Variants in ZNF83 observed in about 807,000 individuals in gnomAD.
The protein encoded by ZNF83 is zinc finger protein 816B.
For synonymous variants in ZNF83, 209 were observed against 213.0 expected, an observed-to-expected ratio of 0.98 and a Z score of 0.17; for missense variants, 552 against 629.9, an observed-to-expected ratio of 0.88 and a Z score of 1.32.
intron 1 of ZNF83, among the ~76,000 whole-genome samples, chr19:52,677,616 T>C (rs372811075): frequency 9.2e-5 from 14 of 152,222 alleles, no homozygotes; most frequent in East Asian, 7.7e-4. Flanking sequence ...AAAATCCCCC[T>C]TGTAGATTGC....
At chr19:52,647,100 T>A (rs998820528) in intron 3 of ZNF83, among the ~76,000 whole-genome samples, 1 of 152,110 alleles carries the variant, frequency 6.6e-6, no homozygotes, top group African/African-American at 2.4e-5. Context: ...TCCCACATTA[T>A]GTAATAACAG....
At chr19:52,618,323 G>A (rs949866549) in intron 2 of ZNF83, among the ~76,000 whole-genome samples, 5 of 151,342 alleles carry the variant, frequency 3.3e-5, no homozygotes, top group Non-Finnish European at 4.4e-5. Flanking sequence ...GCAGTGGCAC[G>A]ATCTCAGCTC....
intron 3 of ZNF83, chr19:52,654,803 C>T (rs2061485926): frequency 6.5e-6 from 1 of 154,710 alleles, no homozygotes; most frequent in South Asian, 2.0e-4. Context: ...ACAGCAGTGA[C>T]TGCTGTTTAG....
intron 2 of ZNF83, among the ~76,000 whole-genome samples, chr19:52,616,537 TGCA>T: frequency 6.6e-6 from 1 of 152,258 alleles, no homozygotes; most frequent in African/African-American, 2.4e-5. Flanking sequence ...TGGAATACTA[TGCA>T]GCCATAAAAA....
At chr19:52,627,713 A>G (rs573115808) in intron 2 of ZNF83, among the ~76,000 whole-genome samples, 2 of 152,180 alleles carry the variant, frequency 1.3e-5, no homozygotes, top group Non-Finnish European at 2.9e-5. Flanking sequence ...ACTACTCTGT[A>G]CAACAAACCC....
chr19:52,631,348 A>G (rs1331229693), intron 2 of ZNF83, among the ~76,000 whole-genome samples: 3 of 152,120 alleles, frequency 2.0e-5, no homozygotes, highest in South Asian at 4.1e-4. Flanking sequence ...CAAGAGCCAG[A>G]ACGGCACCCT....
intron 1 of ZNF83, among the ~76,000 whole-genome samples, chr19:52,678,472 GAAA>G (rs888889073): frequency 7.0e-6 from 1 of 142,096 alleles, no homozygotes; most frequent in African/African-American, 2.6e-5. Context: ...AAAGAAAAAA[GAAA>G]AAAAAACTGG....
Position 52,687,533 on chromosome 19 carries a change from T to TTA in ZNF83, c.-283+2908_-283+2909dup, listed in dbSNP as rs1439996773. 8.1e-5 allele frequency among the ~76,000 whole-genome samples: 3 copies of TTA among 36,890 alleles called. 1 individual carries two copies. The highest frequency in any genetic ancestry group is 1.8e-4 in the Non-Finnish European group (3 of 16,304). The allele number at this position is 36,890 out of a possible 152,430, so 24.2% of individuals were successfully genotyped here. On this transcript the variant is annotated intron_variant, in intron 1 of 5. Coordinates refer to the ZNF83 transcript ENST00000594682. ...ATTATATATAAATTTTATATATAAA[T>TTA]TATATATATAAATTATATGTGTAAA...
chr19:52,657,932 C>T (rs1477242019), intron 2 of ZNF83, among the ~76,000 whole-genome samples: 4 of 150,684 alleles, frequency 2.7e-5, no homozygotes, highest in Non-Finnish European at 5.9e-5. Flanking sequence ...AGGTTGGTAG[C>T]TCAAGACCAG....
chr19:52,685,231 T>A (rs113082916), intron 1 of ZNF83, among the ~76,000 whole-genome samples: 22 of 152,156 alleles, frequency 1.4e-4, no homozygotes, highest in African/African-American at 5.1e-4. Flanking sequence ...TAGCCCCTCA[T>A]CTCCAAGTTG....
At chr19:52,618,093 T>TTTTG (rs2060383530) in intron 2 of ZNF83, 1 of 152,082 alleles carries the variant, frequency 6.6e-6, no homozygotes, top group Non-Finnish European at 1.5e-5. Context: ...TGAGGTTTTG[T>TTTTG]TTTGTTTTTG....
exon 3 of ZNF83, chr19:52,614,100 G>T: frequency 6.2e-7 from 1 of 1,613,704 alleles, no homozygotes. Flanking sequence ...GGAAGACCTT[G>T]CCACATTCAT....
chr19:52,620,155 G>A (rs879546386), intron 2 of ZNF83, among the ~76,000 whole-genome samples: 1 of 152,060 alleles, frequency 6.6e-6, no homozygotes, highest in Admixed American at 6.6e-5. Flanking sequence ...AGAGTTGAAT[G>A]CAAAGGGTTG....
At chr19:52,684,827 C>T (rs186856961) in intron 1 of ZNF83, among the ~76,000 whole-genome samples, 72 of 152,252 alleles carry the variant, frequency 4.7e-4, no homozygotes, top group African/African-American at 1.7e-3. Flanking sequence ...CAGAGGGAGT[C>T]ATGAGATGAG....
chr19:52,633,580 A>C (rs1414859333), intron 2 of ZNF83, among the ~76,000 whole-genome samples: 1 of 152,198 alleles, frequency 6.6e-6, no homozygotes, highest in African/African-American at 2.4e-5. Flanking sequence ...CCAAGGGCCT[A>C]AGATGCAGCT....
chr19:52,689,545 C>T (rs371312023), intron 1 of ZNF83, among the ~76,000 whole-genome samples: 1,799 of 151,230 alleles, frequency 0.012, 14 homozygotes, highest in Middle Eastern at 0.037. Flanking sequence ...CTCTTTGCTG[C>T]CCCTCTCCCT....
intron 1 of ZNF83, among the ~76,000 whole-genome samples, chr19:52,683,796 T>A (rs914795211): frequency 8.5e-5 from 13 of 152,134 alleles, no homozygotes; most frequent in African/African-American, 2.9e-4. Flanking sequence ...ATCCTCACAT[T>A]TGCCCCAGCC....
At chr19:52,615,553 A>G (rs930875047) in intron 2 of ZNF83, among the ~76,000 whole-genome samples, 8 of 152,170 alleles carry the variant, frequency 5.3e-5, no homozygotes, top group African/African-American at 1.9e-4. Flanking sequence ...AGCCTGACCA[A>G]CATGATTAAA....
In ZNF83 at chr19:52,614,658, A is replaced by C; in HGVS notation, c.-94T>G. On this transcript the variant is annotated 5_prime_UTR_variant, in exon 3 of 3. It removes an upstream start codon present in the reference 5' UTR. Coordinates refer to ENST00000301096, the Ensembl canonical transcript of ZNF83. Reference sequence around the variant, plus strand: ...TCCACAGACACTGAGAGTCATGTACATTTTTCTGGGTTTCTCTGAAGCAAA... The same window carrying C: ...TCCACAGACACTGAGAGTCATGTACCTTTTTCTGGGTTTCTCTGAAGCAAA... 2 of 1,371,328 alleles carry C rather than the reference A, an allele frequency of 1.5e-6. No individual in the cohort carries two copies. The highest frequency in any genetic ancestry group is 2.0e-5 in the South Asian group (1 of 49,324). 84.9% of individuals were successfully genotyped at this position (1,371,328 alleles called of 1,614,324 possible).
Sources: allele counts gnomAD v4.1 joint callset (sites outside exome capture counted in the v4.1 genomes callset), GRCh38; gene constraint gnomAD v4.1.1; transcripts MANE v1.5; gene names NCBI Gene and HGNC (gene_info 2026-07-23, HGNC 2026-07-21).